Variants in SLC24A2 observed in about 807,000 individuals in gnomAD.
The protein encoded by SLC24A2 is solute carrier family 24 member 2, also known as sodium/potassium/calcium exchanger 2.
SLC24A2 carries 36 observed loss-of-function variants against 62.0 expected under a neutral mutation model. The ratio of observed to expected loss-of-function variants is 0.58; its 90% CI spans 0.44 to 0.77. SLC24A2 has a LOEUF of 0.77. Among genes scored for constraint, SLC24A2 ranks in the 30% least tolerant of loss-of-function variants. The pLI, the probability that SLC24A2 is intolerant of heterozygous loss-of-function variation, is 0.00. For missense variants in SLC24A2, 846 were observed against 817.9 expected (o/e 1.03, Z -0.42); for synonymous variants, 358 against 294.0 (o/e 1.22, Z -2.23).
At chr9:20,227,387 T>A in the SLC24A2 span, among the ~76,000 whole-genome samples, 1 of 152,114 alleles carries the variant, frequency 6.6e-6, no homozygotes, top group Non-Finnish European at 1.5e-5. Flanking sequence ...ATCATCTTTG[T>A]GGTGTTTTAA....
At chr9:19,782,349 T>C (rs1308587983) in intron 2 of SLC24A2, among the ~76,000 whole-genome samples, 1 of 152,140 alleles carries the variant, frequency 6.6e-6, no homozygotes, top group Non-Finnish European at 1.5e-5. Flanking sequence ...CATCTATAAA[T>C]AAAAATACCC....
chr9:19,799,984 G>C, the SLC24A2 span, among the ~76,000 whole-genome samples: 2 of 152,102 alleles, frequency 1.3e-5, no homozygotes, highest in Non-Finnish European at 2.9e-5. Context: ...TTCTAGCTTC[G>C]GCGGCTCTGA....
the SLC24A2 span, among the ~76,000 whole-genome samples, chr9:19,831,391 C>G: frequency 6.6e-6 from 1 of 152,092 alleles, no homozygotes; most frequent in Non-Finnish European, 1.5e-5. Flanking sequence ...ATTCCCCCAC[C>G]ACTCTCACTC....
the SLC24A2 span, among the ~76,000 whole-genome samples, chr9:20,142,411 T>C: frequency 3.3e-5 from 5 of 151,844 alleles, no homozygotes; most frequent in African/African-American, 1.2e-4. Context: ...AGTATTAATA[T>C]ATATCCATTA....
rs184468172 is a variant in SLC24A2 at position 19,697,776 on chromosome 9, T to C, written c.931-75477A>G. 1.0e-3 allele frequency among the ~76,000 whole-genome samples: 155 copies of C among 152,284 alleles called. 1 individual carries two copies. Among genetic ancestry groups the C allele is most frequent in the African/African-American group, 3.5e-3 (146 of 41,568 alleles). On this transcript the variant is annotated intron_variant, in intron 2 of 10. Transcript: ENST00000341998. ...CACAATTCATACTTTCCATTTTTCA[T>C]TGACATCATTAAGTACTCATTTAAA... is the stretch of plus-strand genomic sequence containing the variant.
At chr9:19,847,807 T>C in the SLC24A2 span, among the ~76,000 whole-genome samples, 1 of 152,176 alleles carries the variant, frequency 6.6e-6, no homozygotes, top group Non-Finnish European at 1.5e-5. Context: ...ATTTTGACTA[T>C]TTTCATTTCT....
At chr9:20,252,351 A>G in the SLC24A2 span, among the ~76,000 whole-genome samples, 2 of 152,200 alleles carry the variant, frequency 1.3e-5, no homozygotes, top group African/African-American at 4.8e-5. Flanking sequence ...TTCGGGGATG[A>G]CACTGTAATT....
At chr9:19,706,379 CTTTTTTTT>C (rs34321235) in intron 2 of SLC24A2, among the ~76,000 whole-genome samples, 2 of 131,934 alleles carry the variant, frequency 1.5e-5, no homozygotes, top group African/African-American at 5.6e-5. Flanking sequence ...GGTCTTGAAT[CTTTTTTTT>C]TTTTTTTTTT....
At chr9:19,940,144 C>T in the SLC24A2 span, among the ~76,000 whole-genome samples, 1 of 152,224 alleles carries the variant, frequency 6.6e-6, no homozygotes. Flanking sequence ...TAAGTGGCAC[C>T]GCTTGCATTG....
chr9:19,636,305 TTTTCTTTTCTTTTC>T (rs1309428507), intron 2 of SLC24A2, among the ~76,000 whole-genome samples: 38 of 44,832 alleles, frequency 8.5e-4, no homozygotes, highest in African/African-American at 3.0e-3. Context: ...TTTTCTTTTC[TTTTCTTTTCTTTTC>T]TTTCTTTCTT....
At chr9:20,235,645 T>C in the SLC24A2 span, among the ~76,000 whole-genome samples, 3 of 152,220 alleles carry the variant, frequency 2.0e-5, no homozygotes, top group African/African-American at 7.2e-5. Flanking sequence ...TTTCTTTTAC[T>C]AGGAAAGGGA....
chr9:19,976,742 AT>A, the SLC24A2 span, among the ~76,000 whole-genome samples: 2 of 152,352 alleles, frequency 1.3e-5, no homozygotes, highest in African/African-American at 4.8e-5. Flanking sequence ...AGATTTTGGT[AT>A]CTGCAGGGGT....
the SLC24A2 span, among the ~76,000 whole-genome samples, chr9:19,974,964 G>A: frequency 6.6e-6 from 1 of 152,172 alleles, no homozygotes; most frequent in Non-Finnish European, 1.5e-5. Context: ...GGAAGGATGG[G>A]AGGAAGGCTC....
chr9:20,125,112 A>G, the SLC24A2 span, among the ~76,000 whole-genome samples: 284 of 152,336 alleles, frequency 1.9e-3, 1 homozygote, highest in African/African-American at 6.7e-3. Context: ...TGCCCAGTTC[A>G]TAAGAGTTCC....
Position 19,513,164 on chromosome 9 carries a change from A to ATATATATG in SLC24A2, c.*2988_*2989insCATATATA, listed in dbSNP as rs1554665694. 15 of 60,696 alleles carry ATATATATG rather than the reference A, an allele frequency of 2.5e-4. No individual in the cohort carries two copies. Among genetic ancestry groups the ATATATATG allele is most frequent in the African/African-American group, 9.2e-4 (15 of 16,280 alleles). 3.8% of individuals were successfully genotyped at this position (60,696 alleles called of 1,614,324 possible). On this transcript the variant is annotated 3_prime_UTR_variant, in exon 11 of 11. Coordinates refer to ENST00000341998, the MANE Select transcript of SLC24A2 (RefSeq NM_020344.4). ...AGATCTGGTATAAAGATATATATAT[A>ATATATATG]TATATATATATGTATATATATATAT...
chr9:20,275,555 C>T, the SLC24A2 span, among the ~76,000 whole-genome samples: 1 of 152,316 alleles, frequency 6.6e-6, no homozygotes, highest in South Asian at 2.1e-4. Context: ...CCACTCACCT[C>T]CCAGCTCTGA....
the SLC24A2 span, among the ~76,000 whole-genome samples, chr9:20,176,662 G>GTA: frequency 3.0e-3 from 459 of 152,204 alleles, 2 homozygotes; most frequent in African/African-American, 0.01. Context: ...TCAGCCAGGG[G>GTA]TATAAATGAG....
chr9:20,223,891 G>A, the SLC24A2 span, among the ~76,000 whole-genome samples: 4 of 152,242 alleles, frequency 2.6e-5, no homozygotes, highest in Non-Finnish European at 5.9e-5. Context: ...TTACAGTTCT[G>A]CATGGCTGAG....
chr9:19,984,543 T>C, the SLC24A2 span, among the ~76,000 whole-genome samples: 2 of 152,046 alleles, frequency 1.3e-5, no homozygotes, highest in African/African-American at 4.8e-5. Flanking sequence ...CCAGCTCTAC[T>C]AAAAATATAA....
Sources: gnomAD v4.1 joint callset for allele counts (sites outside exome capture counted in the v4.1 genomes callset) on GRCh38, gnomAD v4.1.1 for gene constraint, MANE v1.5 for transcripts, NCBI Gene and HGNC (gene_info 2026-07-23, HGNC 2026-07-21) for gene names.